ZC3H3: variants seen among roughly 807,000 people sequenced by gnomAD.
ZC3H3 encodes zinc finger CCCH domain-containing protein 3.
A neutral mutation model predicts 77.3 loss-of-function variants in ZC3H3; 36 were observed. That is an observed-to-expected ratio of 0.47 (90% CI 0.36 to 0.61). The LOEUF (loss-of-function observed/expected upper bound fraction) is 0.61, where lower values mean the gene tolerates loss of function less well. Among genes scored for constraint, ZC3H3 ranks in the 20% least tolerant of loss-of-function variants. The probability of loss-of-function intolerance (pLI) is 0.00; values close to 1 mark genes in which losing one functional copy is unlikely to be tolerated. For synonymous variants in ZC3H3, 626 were observed against 555.2 expected (o/e 1.13, Z -1.79); for missense variants, 1,331 against 1,312.2 (o/e 1.01, Z -0.22).
intron 8 of ZC3H3, among the ~76,000 whole-genome samples, chr8:143,467,827 C>T (rs1236098657): frequency 6.6e-6 from 1 of 151,990 alleles, no homozygotes; most frequent in African/African-American, 2.4e-5. Flanking sequence ...TACAGCTTCC[C>T]CCCTCCTGCC....
At position 143,516,568 on chromosome 8, in the gene ZC3H3, TACACACACACA is replaced by T. The variant is rs1563873800; in HGVS notation, c.1562-8680_1562-8670del. Among the ~76,000 whole-genome samples the T allele has an allele frequency of 6.8e-3, 337 of 49,534 alleles. 2 individuals carry two copies. The highest frequency in any genetic ancestry group is 0.029 in the African/African-American group (321 of 11,136). The allele number at this position is 49,534 out of a possible 152,430, so 32.5% of individuals were successfully genotyped here. On this transcript the variant is annotated intron_variant, in intron 3 of 11. Transcript: ENST00000262577. ...ACACACACACACACACACACACACA[TACACACACACA>T]CTCACTCTCATGCACATGCTCACCC...
At chr8:143,501,730 G>A (rs1444712839) in intron 4 of ZC3H3, among the ~76,000 whole-genome samples, 7 of 151,904 alleles carry the variant, frequency 4.6e-5, no homozygotes, top group Non-Finnish European at 1.0e-4. Context: ...GCCCCGGGGC[G>A]CTGGTGTGAC....
chr8:143,498,098 T>C (rs1158438649), intron 4 of ZC3H3, among the ~76,000 whole-genome samples: 1 of 152,178 alleles, frequency 6.6e-6, no homozygotes, highest in Non-Finnish European at 1.5e-5. Context: ...AGGAACTGCC[T>C]GGGCCACGCA....
chr8:143,481,030 G>T (rs145347285), intron 4 of ZC3H3, among the ~76,000 whole-genome samples: 3,980 of 152,284 alleles, frequency 0.026, 164 homozygotes, highest in African/African-American at 0.091. Context: ...TCTTCCGATT[G>T]CCCAGTCCCA....
intron 9 of ZC3H3, among the ~76,000 whole-genome samples, chr8:143,457,282 A>C (rs184287128): frequency 2.2e-4 from 34 of 152,350 alleles, no homozygotes; most frequent in Admixed American, 2.1e-3. Flanking sequence ...GAAAGGTAAC[A>C]GGAAAATCTC....
chr8:143,481,199 C>G (rs1417279802), intron 4 of ZC3H3, among the ~76,000 whole-genome samples: 1 of 152,204 alleles, frequency 6.6e-6, no homozygotes, highest in Non-Finnish European at 1.5e-5. Flanking sequence ...GGAGCACCTC[C>G]CAACCCAGCT....
intron 9 of ZC3H3, among the ~76,000 whole-genome samples, chr8:143,443,284 CAA>C (rs34765299): frequency 1.6e-5 from 1 of 61,956 alleles, no homozygotes; most frequent in Non-Finnish European, 3.1e-5. Context: ...GACCCTGTCT[CAA>C]AAAAAAAAAA....
chr8:143,475,435 C>G lies in ZC3H3; in HGVS notation c.1866G>C (p.Gln622His). ...SANKLSKTSG[Q>H]PSDAGSRPLL... ...GGGGCCTGCTGCCCGCATCACTGGG[C>G]TGGCCGGAGGTCTTGGAGAGCTTGT... The change falls in exon 5 of 12, where the codon CAG (glutamine) becomes CAC (histidine). Residue 622 changes from glutamine (Q) to histidine (H), a missense_variant. This residue lies in a region of ZC3H3 where 978 missense variants were observed against 915.5 expected (regional missense o/e 1.07). Coordinates refer to ENST00000262577, the MANE Select transcript of ZC3H3 (RefSeq NM_015117.3). 1 of 1,613,130 alleles carries G rather than the reference C, an allele frequency of 6.2e-7. No homozygotes were observed.
chr8:143,464,896 C>T (rs914136237), intron 9 of ZC3H3, among the ~76,000 whole-genome samples: 2 of 152,110 alleles, frequency 1.3e-5, no homozygotes, highest in East Asian at 1.9e-4. Context: ...GCCCCCAGGG[C>T]GGGGAGAGAA....
At chr8:143,540,904 C>T (rs1822989577) in intron 1 of ZC3H3, among the ~76,000 whole-genome samples, 1 of 151,848 alleles carries the variant, frequency 6.6e-6, no homozygotes, top group East Asian at 2.0e-4. Context: ...TGCAGTGAGC[C>T]GTGATCGCGT....
intron 2 of ZC3H3, among the ~76,000 whole-genome samples, 195 bp downstream of exon 2, chr8:143,537,808 C>T (rs575313837): frequency 6.6e-6 from 1 of 152,224 alleles, no homozygotes; most frequent in East Asian, 1.9e-4. Context: ...AAACCTGTCC[C>T]CTAAGTTTAT....
intron 9 of ZC3H3, among the ~76,000 whole-genome samples, chr8:143,451,815 A>G (rs1198887461): frequency 1.3e-5 from 2 of 151,928 alleles, no homozygotes; most frequent in African/African-American, 4.8e-5. Context: ...AAAAGAAAAG[A>G]AAAAAGGAGG....
chr8:143,524,317 G>T (rs1016128150), intron 3 of ZC3H3, among the ~76,000 whole-genome samples: 1 of 152,252 alleles, frequency 6.6e-6, no homozygotes, highest in Non-Finnish European at 1.5e-5. Flanking sequence ...CCAGGCCCTA[G>T]GGGAGAGCTC....
At chr8:143,485,902 C>T (rs946211872) in intron 4 of ZC3H3, among the ~76,000 whole-genome samples, 2 of 152,258 alleles carry the variant, frequency 1.3e-5, no homozygotes, top group African/African-American at 4.8e-5. Context: ...GGCCCCACAC[C>T]CCCCAGCATG....
intron 9 of ZC3H3, among the ~76,000 whole-genome samples, chr8:143,442,349 G>A (rs1191824414): frequency 1.3e-5 from 2 of 150,602 alleles, no homozygotes; most frequent in African/African-American, 2.4e-5. Flanking sequence ...CTCCTCAGGG[G>A]CCTGCGGCTG....
intron 3 of ZC3H3, among the ~76,000 whole-genome samples, chr8:143,529,153 C>T (rs932798306): frequency 1.1e-4 from 17 of 152,150 alleles, no homozygotes; most frequent in Middle Eastern, 3.2e-3. Context: ...TGGAGCAAGC[C>T]GGGCCTTCGA....
chr8:143,525,118 C>T (rs961109766), intron 3 of ZC3H3, among the ~76,000 whole-genome samples: 3 of 152,274 alleles, frequency 2.0e-5, no homozygotes, highest in Non-Finnish European at 4.4e-5. Context: ...GGCAGAGTCG[C>T]ACCTCGCCAT....
At chr8:143,503,374 C>G (rs1203058899) in intron 4 of ZC3H3, among the ~76,000 whole-genome samples, 1 of 152,172 alleles carries the variant, frequency 6.6e-6, no homozygotes, top group Admixed American at 6.5e-5. Context: ...CTCAGAGACC[C>G]TGGCTGGCAG....
chr8:143,537,860 A>C, intron 2 of ZC3H3, 143 bp downstream of exon 2: 1 of 967,060 alleles, frequency 1.0e-6, no homozygotes, highest in Non-Finnish European at 1.5e-6. Flanking sequence ...AAACCACCAC[A>C]GCAGCACTTC....
Sources: gnomAD v4.1 joint callset for allele counts (sites outside exome capture counted in the v4.1 genomes callset) on GRCh38, gnomAD v4.1.1 for gene constraint, gnomAD v4.1.1 regional missense constraint, MANE v1.5 for transcripts, NCBI Gene and HGNC (gene_info 2026-07-23, HGNC 2026-07-21) for gene names.